GSDMB: variants seen among roughly 807,000 people sequenced by gnomAD.
GSDMB encodes gasdermin-B.
Under a neutral mutation model 42.9 loss-of-function variants are expected in GSDMB, and 32 were observed. The ratio of observed to expected loss-of-function variants is 0.75; its 90% CI spans 0.56 to 1.00. GSDMB has a LOEUF of 1.00. Among genes scored for constraint, GSDMB ranks in the 50% least tolerant of loss-of-function variants. The pLI, the probability that GSDMB is intolerant of heterozygous loss-of-function variation, is 0.00. For missense variants in GSDMB, 468 were observed against 498.5 expected, an observed-to-expected ratio of 0.94 and a Z score of 0.58; for synonymous variants, 175 against 193.7, an observed-to-expected ratio of 0.90 and a Z score of 0.80.
chr17:39,911,349 G>T, intron 3 of GSDMB, among the ~76,000 whole-genome samples: 1 of 138,102 alleles, frequency 7.2e-6, no homozygotes, highest in East Asian at 2.1e-4. Flanking sequence ...AAAAGGAAAA[G>T]AAAAAAGGTA....
intron 8 of GSDMB, 54 bp from the exon 9 acceptor site, chr17:39,906,039 C>T (rs1225880304): frequency 1.9e-6 from 3 of 1,607,558 alleles, no homozygotes; most frequent in African/African-American, 2.7e-5. Flanking sequence ...GCAGATTATC[C>T]TCACTGTGCC....
In GSDMB at chr17:39,905,881, T is replaced by C; in HGVS notation, c.993A>G (p.Ala331=). 3 of 1,614,026 alleles carry C rather than the reference T, an allele frequency of 1.9e-6. No individual in the cohort carries two copies. The highest frequency in any genetic ancestry group is 2.5e-6 in the Non-Finnish European group (3 of 1,179,956). The stretch of plus-strand genomic sequence containing the variant: ...CATCCAGGAAGTCCAGAATGGCTTT[T>C]GCACGCGCTTCTACCAAGACCCCAG... ...NAAGVLVEAR[A]KAILDFLDAL... Residue 331 remains alanine, a synonymous_variant, in exon 9 of 11, where the codon GCA becomes GCG. Transcript: ENST00000418519.
chr17:39,905,927 A>C lies in GSDMB; in HGVS notation c.947T>G (p.Leu316Arg). 1 of 1,613,944 alleles carries C rather than the reference A, an allele frequency of 6.2e-7. No homozygotes were observed. The highest frequency in any genetic ancestry group is 8.5e-7 in the Non-Finnish European group (1 of 1,179,866). Residue 316 changes from leucine to arginine, a missense_variant, in exon 9 of 11, where the codon CTA (leucine) becomes CGA (arginine). Physicochemically the swap from Leu to Arg is moderately radical, Grantham distance 102. Transcript: ENST00000418519. ...CCCAGCAGCATTAAAAAGGCTGCTT[A>C]GGAGAGGCTTGTCTGGGTCCTCCAT... ...LHMEDPDKPL[L>R]SSLFNAAGVL...
intron 7 of GSDMB, 25 bp from the exon 8 acceptor site, chr17:39,906,296 T>C (rs966207443): frequency 1.2e-6 from 2 of 1,611,592 alleles, no homozygotes; most frequent in African/African-American, 2.7e-5. Flanking sequence ...ATTGAGAACC[T>C]GGGCCACCCA....
In GSDMB at chr17:39,907,028, C is replaced by T. The variant is rs1006441668; in HGVS notation, c.701-41G>A. On this transcript the variant is annotated intron_variant, in intron 6 of 10. Transcript: ENST00000418519. The stretch of plus-strand genomic sequence containing the variant: ...GAGTTATTTCAGAATCTTCAGATCA[C>T]CTCCAGTCCCCTGCAGACTTCTCTT... 4.3e-6 allele frequency: 7 copies of T among 1,613,366 alleles called. No homozygotes were observed. In the African/African-American group the frequency reaches 6.7e-5, roughly 15 times the overall value.
chr17:39,917,204 TG>T lies in GSDMB; in HGVS notation c.112del (p.His38IlefsTer21), dbSNP rs749810309. 6.2e-7 allele frequency: 1 copy of T among 1,614,108 alleles called. No homozygotes were observed. Among genetic ancestry groups the T allele is most frequent in the Non-Finnish European group, 8.5e-7 (1 of 1,179,954 alleles). On this transcript the variant is annotated frameshift_variant, in exon 2 of 11. Transcript: ENST00000418519. LOFTEE classifies it high-confidence loss of function. ...GAAAGTTCTCTTCTCCCCCACCAGA[TG>T]GAAGCAGCGGAATCTATCAGCATCA... Reference protein sequence around the residue: ...LVDADRFRCFHLVGEKRTFFG... With the variant: ...LVDADRFRCFXLVGEKRTFFG...
chr17:39,905,883 C>T lies in GSDMB; in HGVS notation c.991G>A (p.Ala331Thr). 1.9e-6 allele frequency: 3 copies of T among 1,614,004 alleles called. No homozygotes were observed. In the South Asian group the frequency reaches 3.3e-5, roughly 18 times the overall value. ...TCCAGGAAGTCCAGAATGGCTTTTGCACGCGCTTCTACCAAGACCCCAGCA... is the reference window on the plus strand; with the variant it reads ...TCCAGGAAGTCCAGAATGGCTTTTGTACGCGCTTCTACCAAGACCCCAGCA... The part of the protein sequence containing the change: ...NAAGVLVEAR[A>T]KAILDFLDAL... The change falls in exon 9 of 11, where the codon GCA becomes ACA. Residue 331 changes from alanine to threonine, a missense_variant. Physicochemically the swap from Ala to Thr is moderately conservative, Grantham distance 58 (BLOSUM62 0). Transcript: ENST00000418519.
intron 4 of GSDMB, 158 bp downstream of exon 4, chr17:39,909,598 C>T (rs564666878): frequency 3.2e-6 from 2 of 634,884 alleles, no homozygotes; most frequent in African/African-American, 3.7e-5. Flanking sequence ...AAGGGAAGGA[C>T]TGGGCAATGC....
chr17:39,915,475 G>C (rs1598280395), intron 2 of GSDMB, among the ~76,000 whole-genome samples: 1 of 152,286 alleles, frequency 6.6e-6, no homozygotes, highest in East Asian at 1.9e-4. Context: ...GACTGACTTA[G>C]TCAATTTTTT....
Position 39,909,863 on chromosome 17 carries a change from G to C in GSDMB, c.469C>G (p.Leu157Val), listed in dbSNP as rs1365101409. 6.2e-7 allele frequency: 1 copy of C among 1,613,582 alleles called. No individual in the cohort carries two copies. The highest frequency in any genetic ancestry group is 1.1e-5 in the South Asian group (1 of 91,076). ...ACCGTCTCCAGAGTTTCTGTCACCA[G>C]ATACAGGTTTTCTCTCGTATTAATT... ...RSINTRENLY[L>V]VTETLETVKE... The change falls in exon 4 of 11, where the codon CTG becomes GTG. Residue 157 changes from leucine (L) to valine (V), a missense_variant. Coordinates refer to ENST00000418519, the MANE Select transcript of GSDMB (RefSeq NM_001165958.2).
intron 2 of GSDMB, among the ~76,000 whole-genome samples, chr17:39,915,113 A>C (rs1157476233): frequency 2.8e-4 from 43 of 152,248 alleles, no homozygotes; most frequent in Admixed American, 2.8e-3. Flanking sequence ...CTGGGATTAC[A>C]GGCATGCGCC....
chr17:39,916,579 C>T (rs553285867), intron 2 of GSDMB, among the ~76,000 whole-genome samples: 19 of 151,910 alleles, frequency 1.3e-4, no homozygotes, highest in Non-Finnish European at 2.6e-4. Flanking sequence ...AGTGAGCCAC[C>T]GCACCCATCC....
intron 3 of GSDMB, among the ~76,000 whole-genome samples, chr17:39,911,918 A>G (rs2063616538): frequency 6.6e-6 from 1 of 152,040 alleles, no homozygotes; most frequent in Non-Finnish European, 1.5e-5. Flanking sequence ...CCTGGCCGAC[A>G]GAGCGAGACT....
At chr17:39,905,081 G>A (rs932213740) in intron 10 of GSDMB, 117 bp from the exon 11 acceptor site, 3 of 857,372 alleles carry the variant, frequency 3.5e-6, no homozygotes, top group Admixed American at 4.0e-5. Flanking sequence ...ATCCATCATG[G>A]CACTCTTTCC....
intron 2 of GSDMB, among the ~76,000 whole-genome samples, chr17:39,913,912 G>C (rs2144707541): frequency 1.3e-5 from 2 of 152,288 alleles, no homozygotes; most frequent in South Asian, 4.1e-4. Flanking sequence ...TTTTGGAACT[G>C]GTGGAAATGT....
rs1273560562 is a variant in GSDMB at position 39,906,171 on chromosome 17, C to T, written c.828G>A (p.Val276=). ...KDLTEEKRKD[V]LNSLAKCLGK... is the part of the protein sequence containing the mutation. Reference sequence around the variant, plus strand: ...CGAGGCACTTAGCGAGGGAGTTTAGCACATCTTTTCTCTTCTCCTCTGTCA... The same window carrying T: ...CGAGGCACTTAGCGAGGGAGTTTAGTACATCTTTTCTCTTCTCCTCTGTCA... The change falls in exon 8 of 11, where the codon GTG becomes GTA. Residue 276 remains valine (V), a synonymous_variant. Transcript: ENST00000418519. The T allele has an allele frequency of 1.2e-6, 2 of 1,614,048 alleles. No individual in the cohort carries two copies. The highest frequency in any genetic ancestry group is 1.7e-6 in the Non-Finnish European group (2 of 1,180,016).
intron 2 of GSDMB, among the ~76,000 whole-genome samples, chr17:39,915,364 T>G (rs529513392): frequency 4.6e-5 from 7 of 152,244 alleles, no homozygotes; most frequent in Non-Finnish European, 8.8e-5. Context: ...CAATTCAAAT[T>G]ACCAATTCCC....
intron 7 of GSDMB, chr17:39,906,700 A>C (rs560341575): frequency 2.6e-4 from 310 of 1,205,264 alleles, no homozygotes; most frequent in Middle Eastern, 6.0e-4. Flanking sequence ...CACCCCCACA[A>C]TTAAGTCAGA....
chr17:39,905,302 A>G, intron 10 of GSDMB, 124 bp downstream of exon 10: 2 of 686,986 alleles, frequency 2.9e-6, no homozygotes, highest in Admixed American at 5.2e-5. Context: ...AACCAGCTGC[A>G]TGGATGTGAG....
Sources: gnomAD v4.1 joint callset for allele counts (sites outside exome capture counted in the v4.1 genomes callset) on GRCh38, gnomAD v4.1.1 for gene constraint, MANE v1.5 for transcripts, NCBI Gene and HGNC (gene_info 2026-07-23, HGNC 2026-07-21) for gene names.